HCFC1: variants seen among roughly 807,000 people sequenced by gnomAD.
HCFC1 encodes host cell factor 1.
Under a neutral mutation model 105.5 loss-of-function variants are expected in HCFC1, and 7 were observed. That is an observed-to-expected ratio of 0.07 (90% CI 0.04 to 0.12). HCFC1 has a LOEUF of 0.12. Among genes scored for constraint, HCFC1 ranks in the 10% least tolerant of loss-of-function variants. The pLI is 1.00. For missense variants in HCFC1, 1,065 were observed against 1,823.6 expected (o/e 0.58, Z 7.58); for synonymous variants, 918 against 828.1 (o/e 1.11, Z -1.86).
At chrX:153,961,449 T>C (rs1293156264) in intron 6 of HCFC1, 93 bp downstream of exon 6, 7 of 566,914 alleles carry the variant, frequency 1.2e-5, no homozygotes, top group African/African-American at 2.3e-5. Flanking sequence ...GGGGCCCAGC[T>C]TGCTCCCCGC....
chrX:153,964,373 C>T (rs2065456807), intron 2 of HCFC1, 89 bp from the exon 3 acceptor site: 2 of 986,583 alleles, frequency 2.0e-6, no homozygotes, highest in Non-Finnish European at 2.8e-6. Flanking sequence ...GAGGAAATGG[C>T]CGGGGGTGAG....
At chrX:153,969,870 G>C (rs1274482876) in intron 1 of HCFC1, 1 of 113,031 alleles carries the variant, frequency 8.8e-6, no homozygotes, top group African/African-American at 3.2e-5. Flanking sequence ...GGGGTAACTG[G>C]AATTCAGCTT....
rs1221776358 is a variant in HCFC1 at position 153,971,327 on chromosome X, C to G, written c.-487G>C. The G allele has an allele frequency of 3.4e-6, 1 of 297,992 alleles. No individual in the cohort carries two copies. The highest frequency in any genetic ancestry group is 2.7e-5 in the African/African-American group (1 of 36,877). The allele number at this position is 297,992 out of a possible 1,213,427, so 24.6% of individuals were successfully genotyped here. ...GCCACAAGCGCCGCGGTCGTCGCAG[C>G]CCCGCCGGCGCTCAGACCACAATTG... is the stretch of plus-strand genomic sequence containing the variant. On this transcript the variant is annotated 5_prime_UTR_variant, in exon 1 of 26. Transcript: ENST00000310441.
Position 153,957,772 on chromosome X carries a change from G to A in HCFC1, c.2133+10C>T. On this transcript the variant is annotated intron_variant, in intron 12 of 25. Transcript: ENST00000310441. ...CCACTCTTGCGTATGTGCAAAGACT[G>A]AGAGCTCACCTGGATGATCTGAGTC... The A allele has an allele frequency of 1.7e-6, 2 of 1,177,948 alleles. No homozygotes were observed. Among genetic ancestry groups the A allele is most frequent in the Non-Finnish European group, 2.3e-6 (2 of 865,298 alleles).
intron 15 of HCFC1, 80 bp from the exon 16 acceptor site, chrX:153,956,491 C>G: frequency 9.0e-7 from 1 of 1,116,771 alleles, no homozygotes; most frequent in Non-Finnish European, 1.2e-6. Context: ...GGCTGGGGCA[C>G]TCTGGAGCTG....
Position 153,949,542 on chromosome X carries a change from T to C in HCFC1, c.6068+11A>G, listed in dbSNP as rs782581063. The stretch of plus-strand genomic sequence containing the variant: ...GTCTCAGAAGGTTCCCGAGAGGGGC[T>C]TCCTGCTTACATTTCTGGAGAGGAC... On this transcript the variant is annotated intron_variant, in intron 25 of 25. Transcript: ENST00000310441. The C allele has an allele frequency of 6.6e-6, 8 of 1,207,010 alleles. No individual in the cohort carries two copies. In the East Asian group the frequency reaches 2.4e-4, roughly 36 times the overall value.
Position 153,971,165 on chromosome X carries a change from G to A in HCFC1, c.-325C>T. 1 of 340,887 alleles carries A rather than the reference G, an allele frequency of 2.9e-6. No homozygotes were observed. The highest frequency in any genetic ancestry group is 4.7e-5 in the East Asian group (1 of 21,250). The allele number at this position is 340,887 out of a possible 1,213,427, so 28.1% of individuals were successfully genotyped here. ...CAAGCTCGGGCGGGAGGCCCTGGGA[G>A]CCGCCATCTTGAGCCGCCTCTCTCT... On this transcript the variant is annotated 5_prime_UTR_variant, in exon 1 of 26. Transcript: ENST00000310441.
In HCFC1 at chrX:153,952,587, C is replaced by T; in HGVS notation, c.4869G>A (p.Gln1623=). The change falls in exon 19 of 26, where the codon CAG becomes CAA. Residue 1623 remains glutamine (Q), a synonymous_variant. Transcript: ENST00000310441. The stretch of plus-strand genomic sequence containing the variant: ...CCTGGGCTTCCTCCGTGGCTGCGGC[C>T]TGGGCAGCTGCTTCTGCAGCAGCCG... ...AVTAAAEAAA[Q]AAATEEAQAL... 8.3e-7 allele frequency: 1 copy of T among 1,205,790 alleles called. No individual in the cohort carries two copies. Among genetic ancestry groups the T allele is most frequent in the Non-Finnish European group, 1.1e-6 (1 of 892,113 alleles).
chrX:153,949,083 A>G lies in HCFC1; in HGVS notation c.*264T>C. 2 of 289,232 alleles carry G rather than the reference A, an allele frequency of 6.9e-6. No homozygotes were observed. The highest frequency in any genetic ancestry group is 6.1e-6 in the Non-Finnish European group (1 of 164,248). The allele number at this position is 289,232 out of a possible 1,213,427, so 23.8% of individuals were successfully genotyped here. A position where few individuals can be genotyped will look rare whatever the true frequency, so the allele number is the denominator to read the frequency against. ...TCCCTCCCCGCAAAAGTCTCTCCCC[A>G]GGGTGGGCGGCAGCGGGGAGGAAAG... On this transcript the variant is annotated 3_prime_UTR_variant, in exon 26 of 26. Transcript: ENST00000310441.
At position 153,951,889 on chromosome X, in the gene HCFC1, C is replaced by T. The variant is rs1557112649; in HGVS notation, c.5212G>A (p.Gly1738Ser). The T allele has an allele frequency of 6.7e-6, 8 of 1,194,623 alleles. No homozygotes were observed. In the Admixed American group the frequency reaches 6.7e-5, roughly 10 times the overall value. Residue 1738 changes from glycine (G) to serine (S), a missense_variant, in exon 20 of 26, where the codon GGC becomes AGC. Coordinates refer to ENST00000310441, the MANE Select transcript of HCFC1 (RefSeq NM_005334.3). ...IESNCLNELA[G>S]TVPSTVALLP... ...AGCGCCACAGTGCTGGGGACCGTGC[C>T]GGCCAGCTCATTGAGGCAATTGCTC...
chrX:153,950,576 C>G, intron 23 of HCFC1, 33 bp from the exon 24 acceptor site: 2 of 1,116,955 alleles, frequency 1.8e-6, no homozygotes, highest in Non-Finnish European at 2.4e-6. Flanking sequence ...GTCAACAGAA[C>G]AGGCTAGAGG....
intron 3 of HCFC1, 52 bp downstream of exon 3, chrX:153,964,072 A>G (rs1371496081): frequency 1.9e-6 from 2 of 1,072,312 alleles, no homozygotes; most frequent in East Asian, 3.1e-5. Flanking sequence ...AGCCCTGTGC[A>G]TGTGAGAGCA....
In HCFC1 at chrX:153,951,911, G is replaced by A. The variant is rs998507967; in HGVS notation, c.5190C>T (p.Ser1730=). 2 of 1,189,333 alleles carry A rather than the reference G, an allele frequency of 1.7e-6. No homozygotes were observed. The highest frequency in any genetic ancestry group is 2.3e-6 in the Non-Finnish European group (2 of 882,800). Reference sequence around the variant, plus strand: ...TGCCGGCCAGCTCATTGAGGCAATTGCTCTCAATGGCTGGGTCGTTGAGAC... The same window carrying A: ...TGCCGGCCAGCTCATTGAGGCAATTACTCTCAATGGCTGGGTCGTTGAGAC... ...ADSLNDPAIE[S]NCLNELAGTV... Residue 1730 remains serine (S), a synonymous_variant, in exon 20 of 26, where the codon AGC becomes AGT. Coordinates refer to ENST00000310441, the MANE Select transcript of HCFC1 (RefSeq NM_005334.3).
chrX:153,957,355 G>C lies in HCFC1; in HGVS notation c.2312C>G (p.Thr771Ser). Residue 771 changes from threonine to serine, a missense_variant, in exon 13 of 26, where the codon ACC (threonine) becomes AGC (serine). Transcript: ENST00000310441. ...GGTGATGATGGCCGACATGGGGATG[G>C]TTTTGATGATGGTGGTCGTGCCGGG... ...TKPGTTTIIK[T>S]IPMSAIITQA... 8.3e-7 allele frequency: 1 copy of C among 1,206,721 alleles called. No individual in the cohort carries two copies. Among genetic ancestry groups the C allele is most frequent in the Non-Finnish European group, 1.1e-6 (1 of 891,763 alleles).
At chrX:153,950,600 C>T in intron 23 of HCFC1, 57 bp from the exon 24 acceptor site, 1 of 1,051,896 alleles carries the variant, frequency 9.5e-7, no homozygotes, top group Non-Finnish European at 1.3e-6. Flanking sequence ...CCAGAACTGA[C>T]TAATCATGGT....
chrX:153,958,848 A>G, intron 9 of HCFC1, 82 bp from the exon 10 acceptor site: 2 of 755,563 alleles, frequency 2.6e-6, no homozygotes, highest in Non-Finnish European at 3.7e-6. Context: ...GAACCTGCCC[A>G]GGGGCTGCCC....
At position 153,970,962 on chromosome X, in the gene HCFC1, G is replaced by C; in HGVS notation, c.-122C>G. The C allele has an allele frequency of 1.8e-6, 1 of 542,688 alleles. No homozygotes were observed. Among genetic ancestry groups the C allele is most frequent in the Non-Finnish European group, 2.9e-6 (1 of 347,531 alleles). 44.7% of individuals were successfully genotyped at this position (542,688 alleles called of 1,213,427 possible). ...CGGAGAAGCGGTTTCTCACACAGCGGTAGACGACTCCATGGAGGCCGCCAT... is the reference window on the plus strand; with the variant it reads ...CGGAGAAGCGGTTTCTCACACAGCGCTAGACGACTCCATGGAGGCCGCCAT... On this transcript the variant is annotated 5_prime_UTR_variant, in exon 1 of 26. Coordinates refer to ENST00000310441, the MANE Select transcript of HCFC1 (RefSeq NM_005334.3).
At chrX:153,966,327 G>A (rs1458974002) in intron 1 of HCFC1, among the ~76,000 whole-genome samples, 2 of 112,921 alleles carry the variant, frequency 1.8e-5, no homozygotes, top group Non-Finnish European at 3.7e-5. Context: ...TCTGCGGGTA[G>A]GCTTCGAGCA....
At position 153,954,423 on chromosome X, in the gene HCFC1, CGTG is replaced by C. The variant is rs782256541; in HGVS notation, c.3973_3975del (p.His1325del). On this transcript the variant is annotated inframe_deletion, in exon 17 of 26. Coordinates refer to ENST00000310441, the MANE Select transcript of HCFC1 (RefSeq NM_005334.3). ...GTGGCCGTGTGGGTGGTGCCCGTCT[CGTG>C]GGTCTCGCATGGCGGGTTGGAGCAC... is the stretch of plus-strand genomic sequence containing the variant. 1 of 1,211,845 alleles carries C rather than the reference CGTG, an allele frequency of 8.3e-7. No homozygotes were observed. Among genetic ancestry groups the C allele is most frequent in the Admixed American group, 2.2e-5 (1 of 46,151 alleles).
Sources: allele counts gnomAD v4.1 joint callset (sites outside exome capture counted in the v4.1 genomes callset), GRCh38; gene constraint gnomAD v4.1.1; transcripts MANE v1.5; gene names NCBI Gene and HGNC (gene_info 2026-07-23, HGNC 2026-07-21).